Variants in DENND1A observed in about 807,000 individuals in gnomAD.
The protein encoded by DENND1A is DENN domain containing 1A, also known as DENN domain-containing protein 1A.
In DENND1A, 51 loss-of-function variants were observed where a neutral mutation model predicts 113.7. The ratio of observed to expected loss-of-function variants is 0.45; its 90% CI spans 0.36 to 0.57. The LOEUF (loss-of-function observed/expected upper bound fraction) is 0.57. DENND1A is among the 20% of genes least tolerant of loss of function. The pLI is 0.00. For missense variants in DENND1A, 1,258 were observed against 1,395.9 expected (o/e 0.90, Z 1.57); for synonymous variants, 565 against 570.8 (o/e 0.99, Z 0.14).
intron 5 of DENND1A, among the ~76,000 whole-genome samples, chr9:123,694,072 G>C (rs1172426739): frequency 1.3e-5 from 2 of 151,614 alleles, no homozygotes; most frequent in African/African-American, 4.8e-5. Flanking sequence ...TTGACCTTGT[G>C]ATATGCCTGC....
At chr9:123,473,074 G>T (rs2049582026) in intron 13 of DENND1A, among the ~76,000 whole-genome samples, 1 of 152,222 alleles carries the variant, frequency 6.6e-6, no homozygotes, top group Non-Finnish European at 1.5e-5. Flanking sequence ...ATCCTTACTA[G>T]ATGGTGACCT....
chr9:123,391,576 C>T (rs989142374), intron 21 of DENND1A, among the ~76,000 whole-genome samples: 7 of 151,864 alleles, frequency 4.6e-5, no homozygotes, highest in South Asian at 2.1e-4. Flanking sequence ...TCAGAAACAA[C>T]GAAATAAGAG....
chr9:123,824,718 A>C (rs1839033685), intron 2 of DENND1A, among the ~76,000 whole-genome samples: 1 of 152,172 alleles, frequency 6.6e-6, no homozygotes. Flanking sequence ...GTAAACTGTT[A>C]ATTTATTGGG....
Position 123,728,479 on chromosome 9 carries a change from C to CAAAAAAAAAAAAAAAAA in DENND1A, c.302+29207_302+29223dup, listed in dbSNP as rs60761810. Among the ~76,000 whole-genome samples the CAAAAAAAAAAAAAAAAA allele has an allele frequency of 3.7e-3, 93 of 25,202 alleles. 19 individuals carry two copies. Among genetic ancestry groups the CAAAAAAAAAAAAAAAAA allele is most frequent in the Admixed American group, 5.1e-3 (7 of 1,362 alleles). 16.5% of individuals were successfully genotyped at this position (25,202 alleles called of 152,430 possible). A position where few individuals can be genotyped will look rare whatever the true frequency, so the allele number is the denominator to read the frequency against. On this transcript the variant is annotated intron_variant, in intron 5 of 23. Transcript: ENST00000394215. ...GCAACAATTGCAAAACTCTGTCTCC[C>CAAAAAAAAAAAAAAAAA]AAAAAAAAAAAAAAAAAAAAAAAAA...
intron 2 of DENND1A, among the ~76,000 whole-genome samples, chr9:123,847,404 G>C (rs954871841): frequency 3.9e-5 from 6 of 151,902 alleles, no homozygotes; most frequent in Admixed American, 6.6e-5. Context: ...TCCACTGCTA[G>C]ACATATATCA....
At chr9:123,817,975 C>A (rs1220278495) in intron 2 of DENND1A, among the ~76,000 whole-genome samples, 1 of 150,532 alleles carries the variant, frequency 6.6e-6, no homozygotes, top group Non-Finnish European at 1.5e-5. Context: ...TGCGGTGAGC[C>A]GACATCACAC....
intron 13 of DENND1A, among the ~76,000 whole-genome samples, chr9:123,471,613 T>C (rs945454852): frequency 2.6e-5 from 4 of 152,114 alleles, no homozygotes; most frequent in African/African-American, 4.8e-5. Context: ...CCGCAGGACA[T>C]GGCAACTCTC....
At chr9:123,912,637 C>T (rs1854223418) in intron 1 of DENND1A, among the ~76,000 whole-genome samples, 1 of 151,976 alleles carries the variant, frequency 6.6e-6, no homozygotes, top group Admixed American at 6.6e-5. Flanking sequence ...AGTAGTGCTA[C>T]AGAAAGCTAA....
rs180878345 is a variant in DENND1A, at chr9:123,450,582, G to A, written c.1356+111C>T. On this transcript the variant is annotated intron_variant, in intron 18 of 23. Coordinates refer to ENST00000394215, the MANE Select transcript of DENND1A (RefSeq NM_001352964.2). ...CGGACAGCTGGTAATGCATTTTGAA[G>A]TGTGTTAACAACACTGTATCAAACA... is the stretch of plus-strand genomic sequence containing the variant. The A allele has an allele frequency of 2.0e-5, 15 of 738,344 alleles. No individual in the cohort carries two copies. In the Admixed American group the frequency reaches 4.5e-4, roughly 22 times the overall value. The allele number at this position is 738,344 out of a possible 1,614,324, so 45.7% of individuals were successfully genotyped here.
chr9:123,491,382 C>T (rs1465741319), intron 13 of DENND1A, among the ~76,000 whole-genome samples: 2 of 152,234 alleles, frequency 1.3e-5, no homozygotes, highest in Non-Finnish European at 2.9e-5. Flanking sequence ...CACCCAGAGA[C>T]ATTTCCTCCT....
At chr9:123,499,824 C>T (rs962143383) in intron 13 of DENND1A, among the ~76,000 whole-genome samples, 4 of 152,320 alleles carry the variant, frequency 2.6e-5, no homozygotes, top group East Asian at 1.9e-4. Flanking sequence ...ACAGCTCTTC[C>T]GGCTCACAGC....
rs913523452 is a variant in DENND1A at position 123,536,597 on chromosome 9, T to C, written c.993+20973A>G. Among the ~76,000 whole-genome samples, 4 of 151,688 alleles carry C rather than the reference T, an allele frequency of 2.6e-5. No individual in the cohort carries two copies. The East Asian group carries it at 7.7e-4, about 29-fold the overall frequency. ...ACAGCAGGTCAGTGTGAGGGGCCCA[T>C]GGTAAGAAGGACTGAAGGAGACCGA... On this transcript the variant is annotated intron_variant, in intron 13 of 23. Coordinates refer to ENST00000394215, the MANE Select transcript of DENND1A (RefSeq NM_001352964.2).
At chr9:123,746,607 C>G (rs1472041145) in intron 5 of DENND1A, among the ~76,000 whole-genome samples, 1 of 152,044 alleles carries the variant, frequency 6.6e-6, no homozygotes, top group East Asian at 1.9e-4. Context: ...TGTTGGTGCT[C>G]AAAAAGCTTT....
chr9:123,845,352 A>G (rs1842436159), intron 2 of DENND1A, among the ~76,000 whole-genome samples: 1 of 152,262 alleles, frequency 6.6e-6, no homozygotes, highest in South Asian at 2.1e-4. Context: ...CCTTATAAGC[A>G]TATATAAAAA....
chr9:123,809,723 T>G (rs1257091724), intron 2 of DENND1A, among the ~76,000 whole-genome samples: 1 of 152,238 alleles, frequency 6.6e-6, no homozygotes, highest in East Asian at 1.9e-4. Context: ...CAGGCTGTAG[T>G]GCAGTGGCAT....
intron 3 of DENND1A, among the ~76,000 whole-genome samples, chr9:123,788,468 A>G (rs969561227): frequency 6.6e-6 from 1 of 152,182 alleles, no homozygotes; most frequent in Non-Finnish European, 1.5e-5. Context: ...TTCAATTAGT[A>G]TTCATTAAAA....
intron 13 of DENND1A, among the ~76,000 whole-genome samples, chr9:123,460,867 T>C (rs2048469112): frequency 6.6e-6 from 1 of 152,258 alleles, no homozygotes; most frequent in South Asian, 2.1e-4. Flanking sequence ...ATTTGACTAA[T>C]GTCTCTTTTT....
intron 5 of DENND1A, among the ~76,000 whole-genome samples, chr9:123,711,529 A>G (rs1048759373): frequency 1.4e-5 from 2 of 145,046 alleles, no homozygotes; most frequent in Non-Finnish European, 3.0e-5. Context: ...ATATATATAT[A>G]TATATATATA....
chr9:123,841,793 A>G (rs572053039), intron 2 of DENND1A, among the ~76,000 whole-genome samples: 2 of 152,316 alleles, frequency 1.3e-5, no homozygotes, highest in East Asian at 3.9e-4. Context: ...TAGGTAAATC[A>G]ATCAAATTTT....
Sources: gnomAD v4.1 joint callset for allele counts (sites outside exome capture counted in the v4.1 genomes callset) on GRCh38, gnomAD v4.1.1 for gene constraint, MANE v1.5 for transcripts, NCBI Gene and HGNC (gene_info 2026-07-23, HGNC 2026-07-21) for gene names.